Variants in RABGAP1 observed in about 807,000 individuals in gnomAD.
The protein encoded by RABGAP1 is RAB GTPase activating protein 1.
RABGAP1 carries 23 observed loss-of-function variants against 137.6 expected under a neutral mutation model. The observed-to-expected ratio is 0.17, with a 90% CI of 0.12 to 0.24. The LOEUF (loss-of-function observed/expected upper bound fraction) is 0.24. Among genes scored for constraint, RABGAP1 ranks in the 10% least tolerant of loss-of-function variants. The pLI, the probability that RABGAP1 is intolerant of heterozygous loss-of-function variation, is 1.00. For missense variants in RABGAP1, 906 were observed against 1,275.8 expected (o/e 0.71, Z 4.42); for synonymous variants, 451 against 450.7 (o/e 1.00, Z -0.01).
In RABGAP1 at chr9:123,044,626, C is replaced by CGTGTGTGT. The variant is rs68089109; in HGVS notation, c.1795-20701_1795-20694dup. Among the ~76,000 whole-genome samples, 890 of 149,076 alleles carry CGTGTGTGT rather than the reference C, an allele frequency of 6.0e-3. 14 individuals carry two copies. The highest frequency in any genetic ancestry group is 0.02 in the African/African-American group (801 of 40,528). ...GAAGGAATATAGGAAAACACACGTA[C>CGTGTGTGT]GTGTGTGTGTGTGTGTGTGTGTGTG... On this transcript the variant is annotated intron_variant, in intron 13 of 25. Coordinates refer to ENST00000373647, the MANE Select transcript of RABGAP1 (RefSeq NM_012197.4).
At chr9:122,962,840 A>G (rs970264418) in intron 2 of RABGAP1, among the ~76,000 whole-genome samples, 5 of 152,196 alleles carry the variant, frequency 3.3e-5, no homozygotes, top group African/African-American at 1.2e-4. Context: ...TCTACAAGAT[A>G]TACTTTAGGT....
In RABGAP1 at chr9:123,082,629, C is replaced by A. The variant is rs1189743647; in HGVS notation, c.2424+5867C>A. Among the ~76,000 whole-genome samples the A allele has an allele frequency of 2.6e-5, 4 of 152,150 alleles. No homozygotes were observed. The East Asian group carries it at 7.7e-4, about 29-fold the overall frequency. Reference sequence around the variant, plus strand: ...GGCCCAGTGAGTTTCCTAGATCAGACCTGAGGACTTGGCCATTTTGCCATA... The same window carrying A: ...GGCCCAGTGAGTTTCCTAGATCAGAACTGAGGACTTGGCCATTTTGCCATA... On this transcript the variant is annotated intron_variant, in intron 19 of 25. Coordinates refer to ENST00000373647, the MANE Select transcript of RABGAP1 (RefSeq NM_012197.4).
chr9:122,963,959 A>C (rs940060070), intron 2 of RABGAP1, among the ~76,000 whole-genome samples: 2 of 152,202 alleles, frequency 1.3e-5, no homozygotes, highest in Non-Finnish European at 2.9e-5. Context: ...GGAATACTAG[A>C]GTTGTGTGCC....
intron 1 of RABGAP1, among the ~76,000 whole-genome samples, chr9:122,950,978 C>T (rs1341497046): frequency 1.3e-5 from 2 of 152,132 alleles, no homozygotes; most frequent in Non-Finnish European, 2.9e-5. Flanking sequence ...TCATTTACTT[C>T]AGCAGGTGGA....
intron 21 of RABGAP1, among the ~76,000 whole-genome samples, chr9:123,091,539 C>G (rs1413029968): frequency 3.3e-5 from 5 of 152,218 alleles, no homozygotes; most frequent in African/African-American, 1.2e-4. Flanking sequence ...TTCAGCTCAC[C>G]TTGGACACCT....
At chr9:123,020,532 T>C in intron 13 of RABGAP1, 73 bp downstream of exon 13, 1 of 1,318,060 alleles carries the variant, frequency 7.6e-7, no homozygotes, top group Middle Eastern at 1.9e-4. Flanking sequence ...TTATAGTTAT[T>C]TGACTTATAA....
At chr9:123,088,167 C>T (rs1044302068) in intron 19 of RABGAP1, among the ~76,000 whole-genome samples, 1 of 152,018 alleles carries the variant, frequency 6.6e-6, no homozygotes, top group African/African-American at 2.4e-5. Context: ...CCTCCCACCT[C>T]AGCCTCCAGA....
intron 19 of RABGAP1, among the ~76,000 whole-genome samples, chr9:123,077,201 G>T (rs1304552972): frequency 6.7e-6 from 1 of 149,720 alleles, no homozygotes; most frequent in Non-Finnish European, 1.5e-5. Flanking sequence ...CAAGGCTAGA[G>T]TGCAGTGGCA....
rs769300143 is a variant in RABGAP1 at position 123,035,211 on chromosome 9, C to A, written c.1794+14752C>A. ...TCTGCTTCACCTATTTCAACATCTT[C>A]CGCATCTGCCAACAGCACACAAAGG... On this transcript the variant is annotated intron_variant, in intron 13 of 25. Coordinates refer to ENST00000373647, the MANE Select transcript of RABGAP1 (RefSeq NM_012197.4). The A allele has an allele frequency of 1.2e-5, 19 of 1,614,062 alleles. No individual in the cohort carries two copies. In the East Asian group the frequency reaches 3.6e-4, roughly 30 times the overall value.
intron 13 of RABGAP1, chr9:123,063,392 A>G (rs2034052538): frequency 6.6e-6 from 1 of 152,638 alleles, no homozygotes; most frequent in African/African-American, 2.4e-5. Flanking sequence ...CTTTTCATGC[A>G]TTTATATGTT....
At chr9:122,984,026 T>C (rs1374705188) in intron 2 of RABGAP1, among the ~76,000 whole-genome samples, 1 of 152,236 alleles carries the variant, frequency 6.6e-6, no homozygotes, top group African/African-American at 2.4e-5. Flanking sequence ...ACTGGAGTGG[T>C]AAAATACCTG....
chr9:123,039,959 T>A (rs896379350), intron 13 of RABGAP1, among the ~76,000 whole-genome samples: 3 of 152,178 alleles, frequency 2.0e-5, no homozygotes, highest in Non-Finnish European at 4.4e-5. Flanking sequence ...TCCTTGATAC[T>A]GCCATAGGGT....
chr9:123,007,971 A>T (rs1331592987), intron 10 of RABGAP1, among the ~76,000 whole-genome samples: 1 of 149,748 alleles, frequency 6.7e-6, no homozygotes, highest in East Asian at 1.9e-4. Flanking sequence ...TGTTTAAATT[A>T]TATGTATAAT....
chr9:123,062,338 T>C (rs1254533567), intron 13 of RABGAP1: 1 of 152,258 alleles, frequency 6.6e-6, no homozygotes, highest in African/African-American at 2.4e-5. Flanking sequence ...GAAAAGCTCT[T>C]TGCTTTTTTT....
At chr9:123,046,908 C>G (rs1195614497) in intron 13 of RABGAP1, among the ~76,000 whole-genome samples, 1 of 152,172 alleles carries the variant, frequency 6.6e-6, no homozygotes. Context: ...CAGACATAAT[C>G]TGGACTCCTA....
intron 10 of RABGAP1, among the ~76,000 whole-genome samples, chr9:123,001,183 C>T (rs1485646891): frequency 6.6e-6 from 1 of 152,114 alleles, no homozygotes; most frequent in Non-Finnish European, 1.5e-5. Context: ...CTTTTACATA[C>T]TGATAATGCC....
intron 2 of RABGAP1, among the ~76,000 whole-genome samples, chr9:122,980,292 C>T (rs573729578): frequency 6.6e-6 from 1 of 152,138 alleles, no homozygotes; most frequent in Non-Finnish European, 1.5e-5. Flanking sequence ...ATTTTTGGCT[C>T]ACTGACTCTT....
At chr9:123,010,594 A>G (rs2030723035) in intron 11 of RABGAP1, 66 bp downstream of exon 11, 2 of 1,432,312 alleles carry the variant, frequency 1.4e-6, no homozygotes, top group Non-Finnish European at 1.9e-6. Flanking sequence ...TTAAAATCGT[A>G]TCAGGGGATT....
intron 1 of RABGAP1, among the ~76,000 whole-genome samples, chr9:122,944,149 C>T (rs1017355118): frequency 3.9e-5 from 6 of 151,986 alleles, no homozygotes; most frequent in Admixed American, 1.3e-4. Context: ...ATAGGCTGCC[C>T]ATAATGTTAT....
Sources: gnomAD v4.1 joint callset for allele counts (sites outside exome capture counted in the v4.1 genomes callset) on GRCh38, gnomAD v4.1.1 for gene constraint, MANE v1.5 for transcripts, NCBI Gene and HGNC (gene_info 2026-07-23, HGNC 2026-07-21) for gene names.